PLPP1: variants seen among roughly 807,000 people sequenced by gnomAD.
The protein encoded by PLPP1 is phospholipid phosphatase 1.
Under a neutral mutation model 31.2 loss-of-function variants are expected in PLPP1, and 24 were observed. The ratio of observed to expected loss-of-function variants is 0.77; its 90% confidence interval spans 0.56 to 1.08. The LOEUF (loss-of-function observed/expected upper bound fraction) is 1.08. Among genes scored for constraint, PLPP1 ranks in the 50% least tolerant of loss-of-function variants. PLPP1 has a pLI of 0.00. For missense variants in PLPP1, 319 were observed against 342.7 expected (o/e 0.93, Z 0.55); for synonymous variants, 146 against 126.3 (o/e 1.16, Z -1.05).
intron 3 of PLPP1, among the ~76,000 whole-genome samples, chr5:55,452,923 T>C (rs939865845): frequency 2.6e-5 from 4 of 152,158 alleles, no homozygotes; most frequent in Admixed American, 2.0e-4. Flanking sequence ...AAAAGAAAAA[T>C]TACTGGCAAA....
At chr5:55,456,149 A>G (rs1752000812) in intron 3 of PLPP1, among the ~76,000 whole-genome samples, 1 of 152,186 alleles carries the variant, frequency 6.6e-6, no homozygotes, top group South Asian at 2.1e-4. Context: ...CTAAATTATG[A>G]ACTCTAGATA....
At chr5:55,478,449 G>A (rs920308143) in intron 1 of PLPP1, among the ~76,000 whole-genome samples, 6 of 152,168 alleles carry the variant, frequency 3.9e-5, no homozygotes, top group African/African-American at 9.7e-5. Context: ...AAGGAGAGTT[G>A]GTGATATCTC....
intron 1 of PLPP1, among the ~76,000 whole-genome samples, chr5:55,479,705 G>T (rs552756370): frequency 6.6e-6 from 1 of 152,120 alleles, no homozygotes; most frequent in Non-Finnish European, 1.5e-5. Context: ...GCTGTTTGGG[G>T]TTATTAGAGC....
At chr5:55,514,730 A>T (rs1271602508) in intron 1 of PLPP1, among the ~76,000 whole-genome samples, 1 of 152,236 alleles carries the variant, frequency 6.6e-6, no homozygotes, top group Non-Finnish European at 1.5e-5. Context: ...GACTGGCAAA[A>T]TACTTATTTA....
At position 55,484,727 on chromosome 5, in the gene PLPP1, GA is replaced by G. The variant is rs1752740843; in HGVS notation, c.59-9278del. The G allele has an allele frequency of 2.0e-5, 3 of 152,272 alleles. No individual in the cohort carries two copies. In the South Asian group the frequency reaches 6.2e-4, roughly 32 times the overall value. 9.4% of individuals were successfully genotyped at this position (152,272 alleles called of 1,614,324 possible). A position where few individuals can be genotyped will look rare whatever the true frequency, so the allele number is the denominator to read the frequency against. On this transcript the variant is annotated intron_variant, in intron 1 of 5. Transcript: ENST00000307259. The stretch of plus-strand genomic sequence containing the variant: ...GGTTCACACCTGGGTTTATGCTAAT[GA>G]ATGACTCAGGATGGGGGCTGGTCAC...
chr5:55,444,436 C>T (rs181425239), intron 3 of PLPP1, among the ~76,000 whole-genome samples: 38 of 152,206 alleles, frequency 2.5e-4, no homozygotes, highest in African/African-American at 9.2e-4. Context: ...AAGACTATGG[C>T]CCTGGCCTAA....
chr5:55,434,132 CAAAA>C (rs528979124), intron 4 of PLPP1, among the ~76,000 whole-genome samples: 12 of 53,048 alleles, frequency 2.3e-4, no homozygotes, highest in Middle Eastern at 0.014. Context: ...GACTCTGTCT[CAAAA>C]AAAAAAAAAA....
chr5:55,521,681 T>C (rs1753671792), intron 1 of PLPP1, among the ~76,000 whole-genome samples: 1 of 152,184 alleles, frequency 6.6e-6, no homozygotes, highest in Admixed American at 6.5e-5. Flanking sequence ...TTATCATTTT[T>C]CCTATGAGTC....
In PLPP1 at chr5:55,468,173, C is replaced by T. The variant is rs544199522; in HGVS notation, c.211-24G>A. The T allele has an allele frequency of 3.9e-6, 6 of 1,539,506 alleles. No individual in the cohort carries two copies. The South Asian group carries it at 6.2e-5, about 16-fold the overall frequency. On this transcript the variant is annotated intron_variant, in intron 2 of 5. Transcript: ENST00000307259. ...ATCTGAAAAAGAAACAGAAAAATAA[C>T]ATGTTAAAGTAGCAAGCAGGCACTT... is the stretch of plus-strand genomic sequence containing the variant.
chr5:55,425,370 C>G (rs1250862660), intron 5 of PLPP1, 36 bp from the exon 6 acceptor site: 3 of 1,535,518 alleles, frequency 2.0e-6, no homozygotes, highest in Non-Finnish European at 2.7e-6. Flanking sequence ...TAATTTAGAT[C>G]AAGTTAAAAA....
At chr5:55,443,177 T>TA (rs1178247543) in intron 3 of PLPP1, among the ~76,000 whole-genome samples, 84 of 51,022 alleles carry the variant, frequency 1.6e-3, no homozygotes, top group African/African-American at 5.6e-3. Context: ...AAGGATTACT[T>TA]AAAAAAAAAA....
intron 3 of PLPP1, among the ~76,000 whole-genome samples, chr5:55,454,685 A>C (rs1561229416): frequency 1.3e-5 from 2 of 152,234 alleles, no homozygotes; most frequent in African/African-American, 4.8e-5. Flanking sequence ...TAAATACAAT[A>C]ATAATATCCT....
At chr5:55,471,706 C>A (rs1187621665) in intron 2 of PLPP1, among the ~76,000 whole-genome samples, 2 of 152,112 alleles carry the variant, frequency 1.3e-5, no homozygotes, top group African/African-American at 4.8e-5. Context: ...CAGTCTTAAT[C>A]ACAGGGATTT....
intron 4 of PLPP1, among the ~76,000 whole-genome samples, chr5:55,431,644 C>T (rs1439442870): frequency 1.3e-5 from 2 of 152,032 alleles, no homozygotes; most frequent in African/African-American, 4.8e-5. Context: ...TACCAATAAA[C>T]GCCCACATCA....
chr5:55,512,602 T>C (rs1374777740), intron 1 of PLPP1, among the ~76,000 whole-genome samples: 1 of 151,880 alleles, frequency 6.6e-6, no homozygotes, highest in Admixed American at 6.6e-5. Context: ...CTAATGACAG[T>C]ATTCCATATC....
At chr5:55,531,778 G>A (rs746713892) in intron 1 of PLPP1, among the ~76,000 whole-genome samples, 6 of 152,178 alleles carry the variant, frequency 3.9e-5, no homozygotes, top group Admixed American at 1.3e-4. Context: ...AAAAGTAAGC[G>A]TGAAAAGTTT....
chr5:55,490,154 T>C (rs1013343679), intron 1 of PLPP1, among the ~76,000 whole-genome samples: 1 of 144,192 alleles, frequency 6.9e-6, no homozygotes, highest in South Asian at 2.2e-4. Flanking sequence ...CTTTTTTTTT[T>C]TTTTTTTTTT....
chr5:55,531,671 C>T (rs2111964737), intron 1 of PLPP1, among the ~76,000 whole-genome samples: 2 of 152,296 alleles, frequency 1.3e-5, no homozygotes, highest in South Asian at 4.1e-4. Flanking sequence ...TGATTTTAGG[C>T]TACCAATCTC....
chr5:55,503,782 G>A (rs1280530088), intron 1 of PLPP1, among the ~76,000 whole-genome samples: 1 of 126,586 alleles, frequency 7.9e-6, no homozygotes. Flanking sequence ...GTCTCAAAAC[G>A]AAGGAGAGGA....
Sources: allele counts gnomAD v4.1 joint callset (sites outside exome capture counted in the v4.1 genomes callset), GRCh38; gene constraint gnomAD v4.1.1; transcripts MANE v1.5; gene names NCBI Gene and HGNC (gene_info 2026-07-23, HGNC 2026-07-21).